The following THSD4 variants were observed in gnomAD, a reference collection of about 807,000 sequenced individuals.
The protein encoded by THSD4 is thrombospondin type-1 domain-containing protein 4.
In THSD4, 69 loss-of-function variants were observed where a neutral mutation model predicts 119.0. The observed-to-expected ratio is 0.58, with a 90% CI of 0.48 to 0.71. The LOEUF (loss-of-function observed/expected upper bound fraction) is 0.71. THSD4 is among the 30% of genes least tolerant of loss of function. The probability of loss-of-function intolerance (pLI) is 0.00; values close to 1 mark genes in which losing one functional copy is unlikely to be tolerated. For missense variants in THSD4, 1,393 were observed against 1,391.1 expected, an observed-to-expected ratio of 1.00 and a Z score of -0.02; for synonymous variants, 524 against 540.4, an observed-to-expected ratio of 0.97 and a Z score of 0.42.
At chr15:71,395,920 C>G (rs1056788167) in intron 6 of THSD4, among the ~76,000 whole-genome samples, 6 of 148,142 alleles carry the variant, frequency 4.1e-5, no homozygotes, top group Admixed American at 6.8e-5. Context: ...GAGAGACACA[C>G]ACACACACAC....
chr15:71,701,463 A>G (rs2052287384), intron 8 of THSD4, among the ~76,000 whole-genome samples: 1 of 152,224 alleles, frequency 6.6e-6, no homozygotes, highest in Non-Finnish European at 1.5e-5. Flanking sequence ...CAAAATAGTC[A>G]TTAAGAGCAC....
Position 71,620,084 on chromosome 15 carries a change from A to C in THSD4, c.1153-40446A>C, listed in dbSNP as rs561863881. Among the ~76,000 whole-genome samples the C allele has an allele frequency of 5.9e-5, 9 of 152,306 alleles. No homozygotes were observed. In the East Asian group the frequency reaches 1.7e-3, roughly 29 times the overall value. ...TTAAAGGCCTTTGAGAGTCCTAAGA[A>C]GGAGGCATAGAGGAAACAGCCCAGC... On this transcript the variant is annotated intron_variant, in intron 7 of 17. Transcript: ENST00000261862.
chr15:71,703,104 AGCTGGAATTACAG>A (rs941020792), intron 8 of THSD4, among the ~76,000 whole-genome samples: 2 of 151,926 alleles, frequency 1.3e-5, no homozygotes, highest in African/African-American at 4.8e-5. Flanking sequence ...CCTTCTGAGT[AGCTGGAATTACAG>A]GCATGTACCA....
intron 6 of THSD4, among the ~76,000 whole-genome samples, chr15:71,376,152 TG>T (rs2046133666): frequency 6.6e-6 from 1 of 152,170 alleles, no homozygotes; most frequent in African/African-American, 2.4e-5. Context: ...ATGTCTGTCA[TG>T]GGTGCAGGAG....
At chr15:71,608,245 TATATAC>T (rs1229588582) in intron 7 of THSD4, among the ~76,000 whole-genome samples, 2 of 77,572 alleles carry the variant, frequency 2.6e-5, no homozygotes, top group African/African-American at 7.5e-5. Flanking sequence ...AAAATATATA[TATATAC>T]ACACACACAC....
At chr15:71,601,968 G>C (rs2050019003) in intron 7 of THSD4, among the ~76,000 whole-genome samples, 1 of 152,146 alleles carries the variant, frequency 6.6e-6, no homozygotes, top group African/African-American at 2.4e-5. Context: ...GGGTAGCTTA[G>C]GAAAACCATG....
chr15:71,124,725 T>C (rs1158653246), intron 1 of THSD4, among the ~76,000 whole-genome samples: 2 of 152,242 alleles, frequency 1.3e-5, no homozygotes, highest in South Asian at 2.1e-4. Context: ...AATATTGTTA[T>C]TGTCATTCTA....
At chr15:71,159,997 A>G (rs1476856424) in intron 3 of THSD4, among the ~76,000 whole-genome samples, 1 of 152,098 alleles carries the variant, frequency 6.6e-6, no homozygotes, top group African/African-American at 2.4e-5. Context: ...CATACCTTCT[A>G]TACTTAATTT....
At chr15:71,345,366 A>G (rs934344279) in intron 6 of THSD4, among the ~76,000 whole-genome samples, 5 of 151,970 alleles carry the variant, frequency 3.3e-5, no homozygotes, top group African/African-American at 1.2e-4. Context: ...GGTAGGGCCA[A>G]AGGCACCCCG....
At chr15:71,355,424 G>A (rs978186257) in intron 6 of THSD4, among the ~76,000 whole-genome samples, 7 of 152,188 alleles carry the variant, frequency 4.6e-5, no homozygotes, top group East Asian at 3.8e-4. Flanking sequence ...ATGTGTGTGC[G>A]TGCAGACACT....
chr15:71,138,983 C>A (rs1264671984), intron 1 of THSD4, among the ~76,000 whole-genome samples: 1 of 151,048 alleles, frequency 6.6e-6, no homozygotes, highest in Non-Finnish European at 1.5e-5. Context: ...CTCCCCCCCC[C>A]ATTTTACAGA....
chr15:71,141,328 T>C, intron 1 of THSD4, 121 bp from the exon 2 acceptor site: 2 of 571,868 alleles, frequency 3.5e-6, no homozygotes, highest in Non-Finnish European at 6.0e-6. Context: ...CTGGGAACCA[T>C]AACTGGGCAC....
chr15:71,131,113 T>C (rs2040500140), intron 1 of THSD4, among the ~76,000 whole-genome samples: 1 of 152,198 alleles, frequency 6.6e-6, no homozygotes, highest in Non-Finnish European at 1.5e-5. Context: ...CTTGTACCAG[T>C]CACGTGGTTT....
chr15:71,176,140 T>C (rs1163393634), intron 3 of THSD4, among the ~76,000 whole-genome samples: 2 of 148,244 alleles, frequency 1.3e-5, no homozygotes, highest in East Asian at 4.0e-4. Context: ...CATAACAGTA[T>C]TAACTTTAAA....
rs758693243 is a variant in THSD4 at position 71,747,093 on chromosome 15, C to T, written c.2241+51C>T. 32 of 1,534,432 alleles carry T rather than the reference C, an allele frequency of 2.1e-5. 1 individual carries two copies. The highest frequency in any genetic ancestry group is 3.4e-4 in the Middle Eastern group (2 of 5,820). ...GCAGCTCCCTCTCCAGCTCCCACCACACTTTCCAGCCTCCCCCACCAAGAC... is the reference window on the plus strand; with the variant it reads ...GCAGCTCCCTCTCCAGCTCCCACCATACTTTCCAGCCTCCCCCACCAAGAC... On this transcript the variant is annotated intron_variant, in intron 13 of 17. Coordinates refer to ENST00000261862, the MANE Select transcript of THSD4 (RefSeq NM_024817.3).
At chr15:71,440,041 C>G (rs2047069253) in intron 7 of THSD4, among the ~76,000 whole-genome samples, 1 of 152,138 alleles carries the variant, frequency 6.6e-6, no homozygotes, top group African/African-American at 2.4e-5. Context: ...TATTCTGAAC[C>G]TAGTTTCCTA....
intron 1 of THSD4, among the ~76,000 whole-genome samples, chr15:71,128,853 A>G (rs11631775): frequency 0.014 from 2,190 of 152,352 alleles, 24 homozygotes; most frequent in South Asian, 0.021. Flanking sequence ...GGAAAGGCAC[A>G]TAGATTAGTG....
chr15:71,239,303 C>G (rs887380047), intron 4 of THSD4, among the ~76,000 whole-genome samples: 1 of 152,200 alleles, frequency 6.6e-6, no homozygotes, highest in Admixed American at 6.5e-5. Context: ...TTCCTACCAG[C>G]ACTTCCACGA....
chr15:71,572,581 A>T (rs561426680), intron 7 of THSD4, among the ~76,000 whole-genome samples: 1 of 152,202 alleles, frequency 6.6e-6, no homozygotes, highest in African/African-American at 2.4e-5. Flanking sequence ...GGCGCTGGGC[A>T]TGTATCATGT....
Sources: allele counts gnomAD v4.1 joint callset (sites outside exome capture counted in the v4.1 genomes callset), GRCh38; gene constraint gnomAD v4.1.1; transcripts MANE v1.5; gene names NCBI Gene and HGNC (gene_info 2026-07-23, HGNC 2026-07-21).